The following KCNAB1 variants were observed in gnomAD, a reference collection of about 807,000 sequenced individuals.
The protein encoded by KCNAB1 is potassium voltage-gated channel subfamily A regulatory beta subunit 1.
In KCNAB1, 35 loss-of-function variants were observed where a neutral mutation model predicts 64.6. That is an observed-to-expected ratio of 0.54 (90% confidence interval 0.41 to 0.72). KCNAB1 has a LOEUF of 0.72. Among genes scored for constraint, KCNAB1 ranks in the 30% least tolerant of loss-of-function variants. The pLI is 0.00. For missense variants in KCNAB1, 401 were observed against 512.9 expected (o/e 0.78, Z 2.11); for synonymous variants, 177 against 183.8 (o/e 0.96, Z 0.30).
intron 12 of KCNAB1, among the ~76,000 whole-genome samples, chr3:156,526,164 C>G (rs930744792): frequency 6.6e-6 from 1 of 152,174 alleles, no homozygotes; most frequent in Non-Finnish European, 1.5e-5. Context: ...ACATGCTGTA[C>G]AGATTTGGAA....
intron 1 of KCNAB1, among the ~76,000 whole-genome samples, chr3:156,352,975 T>C (rs1724958606): frequency 1.3e-5 from 2 of 152,246 alleles, no homozygotes; most frequent in African/African-American, 2.4e-5. Flanking sequence ...CACAGATGCC[T>C]GGGCTCACCC....
intron 1 of KCNAB1, among the ~76,000 whole-genome samples, chr3:156,315,416 A>G (rs1482083014): frequency 6.6e-6 from 1 of 152,168 alleles, no homozygotes; most frequent in Non-Finnish European, 1.5e-5. Flanking sequence ...TCTGTCCACC[A>G]CTTCCACAAC....
chr3:156,529,475 C>A (rs62285080), intron 12 of KCNAB1, among the ~76,000 whole-genome samples: 42,923 of 142,824 alleles, frequency 0.3, 6,393 homozygotes, highest in African/African-American at 0.37. Context: ...ATAAATTTTA[C>A]CTCAATAAAG....
chr3:156,328,944 T>C (rs1013529900), intron 1 of KCNAB1, among the ~76,000 whole-genome samples: 1 of 152,152 alleles, frequency 6.6e-6, no homozygotes, highest in African/African-American at 2.4e-5. Flanking sequence ...TTATAGTATA[T>C]CTAGACATTT....
At chr3:156,414,023 CT>C (rs1714874631) in intron 1 of KCNAB1, among the ~76,000 whole-genome samples, 1 of 152,174 alleles carries the variant, frequency 6.6e-6, no homozygotes, top group Admixed American at 6.5e-5. Context: ...AAAGCATTTA[CT>C]TTTGATTAAG....
At chr3:156,531,248 G>C (rs1388767958) in intron 12 of KCNAB1, among the ~76,000 whole-genome samples, 161 bp from the exon 13 acceptor site, 4 of 152,112 alleles carry the variant, frequency 2.6e-5, no homozygotes, top group Admixed American at 2.6e-4. Flanking sequence ...CTACACAACA[G>C]GGGGTGCTGC....
chr3:156,428,083 T>C (rs544270264), intron 2 of KCNAB1, among the ~76,000 whole-genome samples: 7 of 152,332 alleles, frequency 4.6e-5, no homozygotes, highest in Admixed American at 3.9e-4. Context: ...TCAACTTGAC[T>C]GAGCCATGGA....
chr3:156,149,217 G>A (rs1715240828), intron 1 of KCNAB1, among the ~76,000 whole-genome samples: 1 of 151,958 alleles, frequency 6.6e-6, no homozygotes, highest in Admixed American at 6.6e-5. Context: ...TGGTGGCCAC[G>A]CTAATCTAAG....
At chr3:156,386,376 C>T (rs1404726677) in intron 1 of KCNAB1, among the ~76,000 whole-genome samples, 2 of 152,210 alleles carry the variant, frequency 1.3e-5, no homozygotes, top group East Asian at 3.8e-4. Context: ...AAATGCCCAT[C>T]TGAGGCTTTC....
At chr3:156,185,257 A>G (rs1469167914) in intron 1 of KCNAB1, among the ~76,000 whole-genome samples, 1 of 152,122 alleles carries the variant, frequency 6.6e-6, no homozygotes, top group East Asian at 1.9e-4. Context: ...AGGCTCTGAT[A>G]TCCCTTCTTC....
At chr3:156,481,611 G>T (rs1015905328) in intron 8 of KCNAB1, among the ~76,000 whole-genome samples, 35 of 152,212 alleles carry the variant, frequency 2.3e-4, no homozygotes, top group African/African-American at 7.2e-4. Context: ...ATGGGGGACA[G>T]TAGGGTTCAC....
chr3:156,459,702 G>A, intron 4 of KCNAB1, 125 bp from the exon 5 acceptor site: 1 of 654,160 alleles, frequency 1.5e-6, no homozygotes, highest in East Asian at 2.8e-5. Context: ...CCAGCCGAGA[G>A]CGGCTTCTAT....
At chr3:156,345,720 G>A (rs546170988) in intron 1 of KCNAB1, among the ~76,000 whole-genome samples, 7 of 152,276 alleles carry the variant, frequency 4.6e-5, no homozygotes, top group African/African-American at 1.7e-4. Context: ...AAGCAATTCA[G>A]AACTGATTCA....
chr3:156,140,297 T>C (rs1714632853), intron 1 of KCNAB1, among the ~76,000 whole-genome samples: 1 of 152,234 alleles, frequency 6.6e-6, no homozygotes, highest in Non-Finnish European at 1.5e-5. Context: ...GTTTTCTGAC[T>C]AAATGTCTTA....
At chr3:156,448,804 G>A (rs1216146440) in intron 2 of KCNAB1, among the ~76,000 whole-genome samples, 2 of 152,132 alleles carry the variant, frequency 1.3e-5, no homozygotes, top group East Asian at 1.9e-4. Flanking sequence ...TTGTTTGGTA[G>A]GAAATTATCC....
intron 3 of KCNAB1, chr3:156,457,220 G>A: frequency 7.5e-7 from 1 of 1,325,414 alleles, no homozygotes; most frequent in Non-Finnish European, 9.7e-7. Context: ...CTTTGGGCAG[G>A]CTAAATCCCA....
rs536013056 is a variant in KCNAB1 at position 156,351,139 on chromosome 3, T to C, written c.276-70477T>C. 4.0e-5 allele frequency among the ~76,000 whole-genome samples: 6 copies of C among 151,896 alleles called. No homozygotes were observed. In the East Asian group the frequency reaches 9.6e-4, roughly 24 times the overall value. On this transcript the variant is annotated intron_variant, in intron 1 of 13. Transcript: ENST00000490337. ...AGATATCATAAGAAAGACTGCTGAC[T>C]TTTTCAAGTAATCTCAGAGCAAACA...
At chr3:156,368,295 C>CCCCCAAA (rs1726076609) in intron 1 of KCNAB1, among the ~76,000 whole-genome samples, 1 of 152,180 alleles carries the variant, frequency 6.6e-6, no homozygotes, top group Non-Finnish European at 1.5e-5. Context: ...GAGTAGGGAG[C>CCCCCAAA]AGTTCTCTGT....
intron 2 of KCNAB1, among the ~76,000 whole-genome samples, chr3:156,424,544 G>T (rs889156270): frequency 6.6e-6 from 1 of 151,694 alleles, no homozygotes; most frequent in Non-Finnish European, 1.5e-5. Context: ...TAACTATTCG[G>T]TATTCATTAT....
Sources: allele counts gnomAD v4.1 joint callset (sites outside exome capture counted in the v4.1 genomes callset), GRCh38; gene constraint gnomAD v4.1.1; transcripts MANE v1.5; gene names NCBI Gene and HGNC (gene_info 2026-07-23, HGNC 2026-07-21).